The following GOLPH3L variants were observed in gnomAD, a reference collection of about 807,000 sequenced individuals.
GOLPH3L encodes golgi phosphoprotein 3 like.
GOLPH3L carries 22 observed loss-of-function variants against 30.3 expected under a neutral mutation model. The ratio of observed to expected loss-of-function variants is 0.73; its 90% CI spans 0.52 to 1.04. The LOEUF (loss-of-function observed/expected upper bound fraction) is 1.04. Ranked by LOEUF, GOLPH3L falls within the 50% of genes least tolerant of loss-of-function variation. GOLPH3L has a pLI of 0.00. For missense variants in GOLPH3L, 303 were observed against 345.8 expected, an observed-to-expected ratio of 0.88 and a Z score of 0.98; for synonymous variants, 120 against 128.2, an observed-to-expected ratio of 0.94 and a Z score of 0.43.
chr1:150,666,810 G>A (rs1389912336), intron 2 of GOLPH3L, among the ~76,000 whole-genome samples: 3 of 152,046 alleles, frequency 2.0e-5, no homozygotes, highest in Non-Finnish European at 2.9e-5. Flanking sequence ...CTTTAAAAAT[G>A]TCATATTTTT....
intron 2 of GOLPH3L, among the ~76,000 whole-genome samples, chr1:150,693,934 A>G (rs1651282095): frequency 7.9e-6 from 1 of 125,954 alleles, no homozygotes; most frequent in Non-Finnish European, 1.5e-5. Flanking sequence ...ATCTTGGCTC[A>G]TTGCAACCTC....
chr1:150,678,284 C>CAAAAAAAAAAAAAAAAAAAAAAAA, intron 2 of GOLPH3L, among the ~76,000 whole-genome samples: 1 of 45,922 alleles, frequency 2.2e-5, no homozygotes, highest in Non-Finnish European at 4.1e-5. Context: ...AACTCCGTCT[C>CAAAAAAAAAAAAAAAAAAAAAAAA]AAAAAAAAAA....
At chr1:150,680,786 A>G (rs1347197955) in intron 2 of GOLPH3L, among the ~76,000 whole-genome samples, 1 of 152,194 alleles carries the variant, frequency 6.6e-6, no homozygotes, top group Non-Finnish European at 1.5e-5. Context: ...TTTAAACAAC[A>G]ACAAAAACAT....
chr1:150,670,089 C>T (rs768502398), intron 2 of GOLPH3L, among the ~76,000 whole-genome samples: 8 of 151,708 alleles, frequency 5.3e-5, no homozygotes, highest in Non-Finnish European at 1.2e-4. Context: ...GGTGAAACCC[C>T]GTTTCTACTA....
chr1:150,685,760 A>C (rs2101815887), intron 2 of GOLPH3L, among the ~76,000 whole-genome samples: 1 of 152,194 alleles, frequency 6.6e-6, no homozygotes, highest in East Asian at 1.9e-4. Context: ...ATAAGAATCT[A>C]TTCAAGGAGG....
At position 150,647,877 on chromosome 1, in the gene GOLPH3L, T is replaced by C. The variant is rs1232738490; in HGVS notation, c.*444A>G. On this transcript the variant is annotated 3_prime_UTR_variant, in exon 5 of 5. Transcript: ENST00000271732. ...GCGACAGTTATTTCAATAAGCTACA[T>C]TATTTAGCAGAGTCTGAGAGACAAA... The C allele has an allele frequency of 6.5e-6, 1 of 155,014 alleles. No individual in the cohort carries two copies. The highest frequency in any genetic ancestry group is 1.4e-5 in the Non-Finnish European group (1 of 70,126). 9.6% of individuals were successfully genotyped at this position (155,014 alleles called of 1,614,324 possible). A position where few individuals can be genotyped will look rare whatever the true frequency, so the allele number is the denominator to read the frequency against.
chr1:150,675,118 G>A (rs910823452), intron 2 of GOLPH3L, among the ~76,000 whole-genome samples: 1 of 152,082 alleles, frequency 6.6e-6, no homozygotes, highest in Non-Finnish European at 1.5e-5. Flanking sequence ...GGCCTCGAGT[G>A]ATCCTCCCAC....
intron 2 of GOLPH3L, among the ~76,000 whole-genome samples, chr1:150,692,344 C>T (rs941930233): frequency 1.6e-4 from 25 of 152,100 alleles, no homozygotes; most frequent in Non-Finnish European, 7.4e-5. Flanking sequence ...TAACTATCCT[C>T]AAAAATAAAA....
At chr1:150,682,145 C>T (rs1650969135) in intron 2 of GOLPH3L, among the ~76,000 whole-genome samples, 1 of 151,770 alleles carries the variant, frequency 6.6e-6, no homozygotes, top group African/African-American at 2.4e-5. Flanking sequence ...ACAATTTTAA[C>T]AGTAGTTATC....
chr1:150,694,399 A>C, intron 2 of GOLPH3L: 1 of 362,936 alleles, frequency 2.8e-6, no homozygotes. Flanking sequence ...CAAGTACAAA[A>C]CTTTATACTA....
At chr1:150,665,490 C>A (rs1650478882) in intron 2 of GOLPH3L, among the ~76,000 whole-genome samples, 1 of 151,986 alleles carries the variant, frequency 6.6e-6, no homozygotes, top group South Asian at 2.1e-4. Context: ...CTGCACCTAG[C>A]TATAATAACT....
chr1:150,680,689 T>C (rs1331708013), intron 2 of GOLPH3L, among the ~76,000 whole-genome samples: 3 of 152,168 alleles, frequency 2.0e-5, no homozygotes, highest in African/African-American at 7.2e-5. Context: ...CTTTAAAGCA[T>C]GTAAGTGGCT....
chr1:150,653,221 A>G (rs1650164924), intron 4 of GOLPH3L, among the ~76,000 whole-genome samples: 2 of 151,422 alleles, frequency 1.3e-5, no homozygotes, highest in Middle Eastern at 6.9e-3. Flanking sequence ...ATTAACACAA[A>G]AAGAGGGAGA....
intron 2 of GOLPH3L, among the ~76,000 whole-genome samples, chr1:150,682,858 T>C (rs926431267): frequency 6.6e-6 from 1 of 152,134 alleles, no homozygotes; most frequent in Admixed American, 6.6e-5. Flanking sequence ...CTTAAACTTC[T>C]TGGACAACTG....
At chr1:150,684,311 A>T (rs1651034153) in intron 2 of GOLPH3L, among the ~76,000 whole-genome samples, 1 of 152,204 alleles carries the variant, frequency 6.6e-6, no homozygotes, top group African/African-American at 2.4e-5. Flanking sequence ...AAAATCTAGA[A>T]GAGGCTTGTC....
chr1:150,648,633 TAGC>T lies in GOLPH3L; in HGVS notation c.543_545del (p.Leu182del), dbSNP rs1650037207. 4.3e-6 allele frequency: 7 copies of T among 1,613,816 alleles called. No homozygotes were observed. The highest frequency in any genetic ancestry group is 5.9e-6 in the Non-Finnish European group (7 of 1,179,710). On this transcript the variant is annotated inframe_deletion, in exon 5 of 5. Coordinates refer to ENST00000271732, the MANE Select transcript of GOLPH3L (RefSeq NM_018178.6). Reference sequence around the variant, plus strand: ...TCACTGGATGAGTAGTCATGTCAAATAGCAGGAAATTCTGCTTCTCAGTGGTTA... The same window carrying T: ...TCACTGGATGAGTAGTCATGTCAAATAGGAAATTCTGCTTCTCAGTGGTTA...
At chr1:150,669,277 C>T (rs148252875) in intron 2 of GOLPH3L, among the ~76,000 whole-genome samples, 89 of 151,962 alleles carry the variant, frequency 5.9e-4, no homozygotes, top group Non-Finnish European at 1.1e-3. Flanking sequence ...GTACATATGA[C>T]CAATAAAGAT....
intron 2 of GOLPH3L, among the ~76,000 whole-genome samples, chr1:150,673,392 T>C (rs769269365): frequency 1.3e-5 from 2 of 151,782 alleles, no homozygotes; most frequent in South Asian, 4.2e-4. Flanking sequence ...TGAAACCCTG[T>C]CTCTACTAAA....
At chr1:150,689,612 G>A (rs1004181235) in intron 2 of GOLPH3L, among the ~76,000 whole-genome samples, 1 of 152,012 alleles carries the variant, frequency 6.6e-6, no homozygotes, top group African/African-American at 2.4e-5. Flanking sequence ...TTTCTTGATT[G>A]TTTTCATAAG....
Sources: gnomAD v4.1 joint callset for allele counts (sites outside exome capture counted in the v4.1 genomes callset) on GRCh38, gnomAD v4.1.1 for gene constraint, MANE v1.5 for transcripts, NCBI Gene and HGNC (gene_info 2026-07-23, HGNC 2026-07-21) for gene names.